The following EFHD1 variants were observed in gnomAD, a reference collection of about 807,000 sequenced individuals.
EFHD1 encodes EF-hand domain family member D1.
EFHD1 carries 10 observed loss-of-function variants against 17.2 expected under a neutral mutation model. That is an observed-to-expected ratio of 0.58 (90% CI 0.36 to 0.99). The LOEUF (loss-of-function observed/expected upper bound fraction) is 0.99. Ranked by LOEUF, EFHD1 falls within the 50% of genes least tolerant of loss-of-function variation. The pLI, the probability that EFHD1 is intolerant of heterozygous loss-of-function variation, is 0.01. For synonymous variants in EFHD1, 153 were observed against 142.0 expected (o/e 1.08, Z -0.55); for missense variants, 310 against 327.5 (o/e 0.95, Z 0.41).
At chr2:232,669,194 G>C (rs1326425959) in intron 2 of EFHD1, among the ~76,000 whole-genome samples, 1 of 152,124 alleles carries the variant, frequency 6.6e-6, no homozygotes, top group Non-Finnish European at 1.5e-5. Flanking sequence ...TTCTTGGGGG[G>C]CCTGGCCTCC....
At chr2:232,650,469 T>G (rs1694625281) in intron 1 of EFHD1, among the ~76,000 whole-genome samples, 1 of 149,592 alleles carries the variant, frequency 6.7e-6, no homozygotes, top group Non-Finnish European at 1.5e-5. Context: ...TAATTTTGTA[T>G]TTTTAGTAGA....
rs577863857 is a variant in EFHD1, at chr2:232,624,513, CA to C, written c.14+18341del. On this transcript the variant is annotated intron_variant, in intron 1 of 3. Coordinates refer to the EFHD1 transcript ENST00000409613. ...AACACAGGGGCTCCAGGGCCTATGCCAGGGGGCACCCTTGTGTCTGGCTTGC... is the reference window on the plus strand; with the variant it reads ...AACACAGGGGCTCCAGGGCCTATGCCGGGGGCACCCTTGTGTCTGGCTTGC... Among the ~76,000 whole-genome samples, 256 of 152,374 alleles carry C rather than the reference CA, an allele frequency of 1.7e-3. 1 individual carries two copies. Among genetic ancestry groups the C allele is most frequent in the African/African-American group, 5.6e-3 (232 of 41,592 alleles).
intron 3 of EFHD1, among the ~76,000 whole-genome samples, chr2:232,675,242 AAAAG>A (rs1011360817): frequency 5.0e-5 from 6 of 119,394 alleles, no homozygotes; most frequent in African/African-American, 1.5e-4. Context: ...AGAGAGAAAG[AAAAG>A]AAAGAAAAGA....
intron 1 of EFHD1, among the ~76,000 whole-genome samples, chr2:232,617,092 C>T (rs986663071): frequency 2.0e-5 from 3 of 152,174 alleles, no homozygotes; most frequent in Non-Finnish European, 2.9e-5. Flanking sequence ...ACGGGCTCTT[C>T]GGGGCCCATT....
intron 1 of EFHD1, among the ~76,000 whole-genome samples, chr2:232,656,743 T>C (rs891201422): frequency 2.6e-5 from 4 of 152,104 alleles, no homozygotes; most frequent in Non-Finnish European, 4.4e-5. Context: ...AGCCAGTACC[T>C]TGCATTTTTT....
intron 1 of EFHD1, among the ~76,000 whole-genome samples, chr2:232,638,982 T>C (rs760221343): frequency 1.3e-5 from 2 of 152,192 alleles, no homozygotes; most frequent in Non-Finnish European, 2.9e-5. Flanking sequence ...AAAGACCCCA[T>C]GCCTTGGAAC....
chr2:232,644,627 A>G (rs1420091267), intron 1 of EFHD1, among the ~76,000 whole-genome samples: 1 of 151,236 alleles, frequency 6.6e-6, no homozygotes, highest in Non-Finnish European at 1.5e-5. Flanking sequence ...ATTCTGTCTC[A>G]GCCTCCCGAG....
chr2:232,621,273 G>A (rs913912285), intron 1 of EFHD1, among the ~76,000 whole-genome samples: 2 of 152,094 alleles, frequency 1.3e-5, no homozygotes, highest in African/African-American at 2.4e-5. Flanking sequence ...GGTACACAGA[G>A]AATCTCTGGT....
chr2:232,669,109 C>T (rs1695020122), intron 2 of EFHD1, among the ~76,000 whole-genome samples: 1 of 152,202 alleles, frequency 6.6e-6, no homozygotes, highest in Admixed American at 6.5e-5. Flanking sequence ...CCACATGCCT[C>T]TCATCCGCAG....
chr2:232,675,378 T>C (rs1325039860), intron 3 of EFHD1, among the ~76,000 whole-genome samples: 1 of 152,164 alleles, frequency 6.6e-6, no homozygotes, highest in African/African-American at 2.4e-5. Flanking sequence ...CCAGCTACAC[T>C]AGACGCTATT....
At chr2:232,650,805 G>A (rs1694637657) in intron 1 of EFHD1, among the ~76,000 whole-genome samples, 1 of 151,752 alleles carries the variant, frequency 6.6e-6, no homozygotes, top group African/African-American at 2.4e-5. Context: ...CTGACCTCAG[G>A]CAATCTGCTC....
chr2:232,665,754 A>T (rs1694957585), intron 2 of EFHD1, among the ~76,000 whole-genome samples: 1 of 152,212 alleles, frequency 6.6e-6, no homozygotes, highest in Non-Finnish European at 1.5e-5. Context: ...ATATCAGATT[A>T]AAGGCTCAGA....
chr2:232,665,715 C>T (rs1429099601), intron 2 of EFHD1, among the ~76,000 whole-genome samples: 4 of 152,350 alleles, frequency 2.6e-5, no homozygotes, highest in Admixed American at 6.5e-5. Flanking sequence ...AGCCACTGCA[C>T]CTGGCCTATT....
rs551862429 is a variant in EFHD1 at position 232,660,435 on chromosome 2, C to T, written c.303-2367C>T. On this transcript the variant is annotated intron_variant, in intron 1 of 3. Coordinates refer to ENST00000264059, the MANE Select transcript of EFHD1 (RefSeq NM_025202.4). The stretch of plus-strand genomic sequence containing the variant: ...GGTCTCGATCTTGTTCTCCTGACCT[C>T]GTGATCCACCCGCCTTGGCCTCCCA... Among the ~76,000 whole-genome samples, 7 of 151,660 alleles carry T rather than the reference C, an allele frequency of 4.6e-5. No homozygotes were observed. In the East Asian group the frequency reaches 1.2e-3, roughly 26 times the overall value.
At chr2:232,638,529 C>T (rs1429727127) in intron 1 of EFHD1, 4 of 460,780 alleles carry the variant, frequency 8.7e-6, no homozygotes, top group South Asian at 1.6e-5. Context: ...CCTCTCCTCT[C>T]CCAGTTTCTT....
upstream of EFHD1, among the ~76,000 whole-genome samples, chr2:232,628,842 A>G (rs1486442934): frequency 6.6e-6 from 1 of 152,158 alleles, no homozygotes; most frequent in Non-Finnish European, 1.5e-5. Flanking sequence ...GGCTTGGCCT[A>G]TAGAGTTCAG....
rs1695293250 is a variant in EFHD1, at chr2:232,681,975, T to A, written c.*256T>A. 2.3e-6 allele frequency: 1 copy of A among 442,616 alleles called. No homozygotes were observed. 27.4% of individuals were successfully genotyped at this position (442,616 alleles called of 1,614,324 possible). On this transcript the variant is annotated 3_prime_UTR_variant, in exon 4 of 4. Coordinates refer to ENST00000264059, the MANE Select transcript of EFHD1 (RefSeq NM_025202.4). ...CTGCCCTTCTTATAGCCAGAACTTG[T>A]ATCTTCTCAGCAACCTTCACTTTGT... is the stretch of plus-strand genomic sequence containing the variant.
At chr2:232,677,771 C>G (rs60101330) in intron 3 of EFHD1, among the ~76,000 whole-genome samples, 4,945 of 152,092 alleles carry the variant, frequency 0.033, 183 homozygotes, top group East Asian at 0.21. Context: ...ACTCCCCCAA[C>G]ACAGTTAAAT....
At chr2:232,642,896 C>T (rs151016341) in intron 1 of EFHD1, among the ~76,000 whole-genome samples, 1 of 152,112 alleles carries the variant, frequency 6.6e-6, no homozygotes, top group Non-Finnish European at 1.5e-5. Context: ...ACTTGGGAGG[C>T]CTTTGGCTCA....
Sources: gnomAD v4.1 joint callset for allele counts (sites outside exome capture counted in the v4.1 genomes callset) on GRCh38, gnomAD v4.1.1 for gene constraint, MANE v1.5 for transcripts, NCBI Gene and HGNC (gene_info 2026-07-23, HGNC 2026-07-21) for gene names.